Variants in L3MBTL4 observed in about 807,000 individuals in gnomAD.
The protein encoded by L3MBTL4 is lethal(3)malignant brain tumor-like protein 4.
Under a neutral mutation model 84.5 loss-of-function variants are expected in L3MBTL4, and 70 were observed. The observed-to-expected ratio is 0.83, with a 90% CI of 0.68 to 1.01. The LOEUF is 1.01. Among genes scored for constraint, L3MBTL4 ranks in the 50% least tolerant of loss-of-function variants. The pLI is 0.00. For missense variants in L3MBTL4, 715 were observed against 754.8 expected (o/e 0.95, Z 0.62); for synonymous variants, 274 against 259.8 (o/e 1.05, Z -0.52).
At chr18:6,308,753 C>CTT (rs1014754908) in intron 3 of L3MBTL4, among the ~76,000 whole-genome samples, 3 of 151,162 alleles carry the variant, frequency 2.0e-5, no homozygotes, top group African/African-American at 7.3e-5. Context: ...TTTTAGCTGT[C>CTT]TTTTTTTTTC....
At chr18:6,357,402 T>G (rs1321992405) in intron 1 of L3MBTL4, among the ~76,000 whole-genome samples, 1 of 152,228 alleles carries the variant, frequency 6.6e-6, no homozygotes, top group Non-Finnish European at 1.5e-5. Flanking sequence ...GTGAAATAAC[T>G]AGTACCTTCT....
intron 14 of L3MBTL4, among the ~76,000 whole-genome samples, chr18:6,098,764 A>G (rs1193834505): frequency 6.6e-6 from 1 of 152,094 alleles, no homozygotes; most frequent in East Asian, 1.9e-4. Context: ...TTGCTAACCA[A>G]TTATATTATT....
intron 10 of L3MBTL4, among the ~76,000 whole-genome samples, chr18:6,225,074 T>C (rs780545862): frequency 3.3e-5 from 5 of 152,208 alleles, no homozygotes; most frequent in Non-Finnish European, 7.3e-5. Context: ...AGCGTTCCCA[T>C]TTCTGTGTAG....
At chr18:6,373,456 T>C (rs1046524346) in intron 1 of L3MBTL4, among the ~76,000 whole-genome samples, 1 of 152,152 alleles carries the variant, frequency 6.6e-6, no homozygotes, top group Non-Finnish European at 1.5e-5. Context: ...CTCTAGCTGA[T>C]CTGCTGTAGG....
intron 4 of L3MBTL4, among the ~76,000 whole-genome samples, chr18:6,264,707 C>A (rs577656074): frequency 2.0e-5 from 3 of 152,268 alleles, no homozygotes; most frequent in Admixed American, 2.0e-4. Flanking sequence ...TTGCTTGAAC[C>A]CAGGAGGTGG....
chr18:6,134,014 G>A (rs936337791), intron 14 of L3MBTL4, among the ~76,000 whole-genome samples: 19 of 152,254 alleles, frequency 1.2e-4, no homozygotes, highest in Middle Eastern at 3.4e-3. Context: ...AGACATACCC[G>A]AGACTGGGAA....
At chr18:6,306,625 T>C (rs1307535640) in intron 3 of L3MBTL4, among the ~76,000 whole-genome samples, 2 of 152,230 alleles carry the variant, frequency 1.3e-5, no homozygotes, top group Non-Finnish European at 2.9e-5. Flanking sequence ...ACCATGGCCT[T>C]TGATGTCATT....
intron 10 of L3MBTL4, among the ~76,000 whole-genome samples, chr18:6,236,829 T>G (rs1178869452): frequency 6.6e-6 from 1 of 152,198 alleles, no homozygotes; most frequent in Non-Finnish European, 1.5e-5. Context: ...GAAATTATCT[T>G]CACTAAATTC....
chr18:5,971,230 TACA>T (rs2052627049), intron 16 of L3MBTL4, among the ~76,000 whole-genome samples: 1 of 152,204 alleles, frequency 6.6e-6, no homozygotes, highest in Admixed American at 6.5e-5. Flanking sequence ...AAGGGGCATG[TACA>T]AAACAAGCCC....
intron 1 of L3MBTL4, among the ~76,000 whole-genome samples, chr18:6,398,492 C>T (rs1412687031): frequency 6.6e-6 from 1 of 152,140 alleles, no homozygotes; most frequent in Non-Finnish European, 1.5e-5. Context: ...GGCATAGGGC[C>T]TCTCTGGGGA....
intron 1 of L3MBTL4, among the ~76,000 whole-genome samples, chr18:6,348,834 C>A (rs2053045595): frequency 6.6e-6 from 1 of 152,120 alleles, no homozygotes; most frequent in Non-Finnish European, 1.5e-5. Context: ...CAGAAAATAT[C>A]AAGAAATCCT....
At chr18:6,038,522 G>A (rs1027887851) in intron 16 of L3MBTL4, among the ~76,000 whole-genome samples, 1 of 152,030 alleles carries the variant, frequency 6.6e-6, no homozygotes, top group African/African-American at 2.4e-5. Flanking sequence ...CCAAAGTGCT[G>A]GGATTACAGG....
At chr18:6,359,171 C>G (rs1308880775) in intron 1 of L3MBTL4, among the ~76,000 whole-genome samples, 1 of 152,186 alleles carries the variant, frequency 6.6e-6, no homozygotes, top group Non-Finnish European at 1.5e-5. Context: ...ATCATAACCT[C>G]AAACACAGCT....
chr18:5,996,903 A>C (rs960748561), intron 16 of L3MBTL4, among the ~76,000 whole-genome samples: 2 of 152,134 alleles, frequency 1.3e-5, no homozygotes, highest in African/African-American at 4.8e-5. Context: ...AGTAGCTCTT[A>C]ATAGTTTTAT....
chr18:6,144,776 C>A (rs571139980), intron 13 of L3MBTL4, among the ~76,000 whole-genome samples: 2 of 152,114 alleles, frequency 1.3e-5, no homozygotes, highest in African/African-American at 4.8e-5. Flanking sequence ...GTTAAAAGGG[C>A]GAAGATGAGA....
At chr18:6,138,546 T>C (rs75327202) in intron 13 of L3MBTL4, among the ~76,000 whole-genome samples, 5 of 152,252 alleles carry the variant, frequency 3.3e-5, no homozygotes, top group South Asian at 2.1e-4. Context: ...TGAATAGGCA[T>C]TGAAGAATTT....
At chr18:6,291,634 C>T (rs2049869905) in intron 4 of L3MBTL4, among the ~76,000 whole-genome samples, 1 of 152,146 alleles carries the variant, frequency 6.6e-6, no homozygotes, top group Non-Finnish European at 1.5e-5. Flanking sequence ...GCTGGGGAAA[C>T]TGGATATCCA....
chr18:6,110,511 C>T (rs1024640337), intron 14 of L3MBTL4, among the ~76,000 whole-genome samples: 14 of 96,860 alleles, frequency 1.4e-4, no homozygotes, highest in South Asian at 6.7e-4. Flanking sequence ...TACACGTGTG[C>T]GGGGTGTGTG....
chr18:6,167,762 T>C (rs1348363425), intron 13 of L3MBTL4, among the ~76,000 whole-genome samples: 1 of 152,176 alleles, frequency 6.6e-6, no homozygotes, highest in Non-Finnish European at 1.5e-5. Flanking sequence ...CTTTGAAAAC[T>C]GGCACAAGAC....
Sources: allele counts gnomAD v4.1 joint callset (sites outside exome capture counted in the v4.1 genomes callset), GRCh38; gene constraint gnomAD v4.1.1; transcripts MANE v1.5; gene names NCBI Gene and HGNC (gene_info 2026-07-23, HGNC 2026-07-21).